Variants in PRKDC observed in about 807,000 individuals in gnomAD.
The protein encoded by PRKDC is DNA-dependent protein kinase catalytic subunit.
In PRKDC, 82 loss-of-function variants were observed where a neutral mutation model predicts 486.9. That is an observed-to-expected ratio of 0.17 (90% confidence interval 0.14 to 0.20). The LOEUF is 0.20. Ranked by LOEUF, PRKDC falls within the 10% of genes least tolerant of loss-of-function variation. The pLI is 1.00. For synonymous variants in PRKDC, 1,895 were observed against 1,837.0 expected (o/e 1.03, Z -0.81); for missense variants, 4,504 against 5,038.2 (o/e 0.89, Z 3.21).
At position 47,785,099 on chromosome 8, in the gene PRKDC, G is replaced by A. The variant is rs749113460; in HGVS notation, c.11107+14C>T. ...CTGACAGTACAGTTTTGTCACCCCT[G>A]GAGGTTAACTCACCGGGAATCTCCA... is the stretch of plus-strand genomic sequence containing the variant. On this transcript the variant is annotated intron_variant, in intron 77 of 85. Transcript: ENST00000314191. 1 of 1,613,218 alleles carries A rather than the reference G, an allele frequency of 6.2e-7. No individual in the cohort carries two copies. The highest frequency in any genetic ancestry group is 2.2e-5 in the East Asian group (1 of 44,866).
At chr8:47,800,152 T>C (rs1200467613) in intron 71 of PRKDC, among the ~76,000 whole-genome samples, 2 of 152,112 alleles carry the variant, frequency 1.3e-5, no homozygotes, top group South Asian at 4.1e-4. Context: ...TAAAGACACA[T>C]GCACACGTAT....
chr8:47,828,513 A>AC (rs2087789836), intron 61 of PRKDC, among the ~76,000 whole-genome samples, 166 bp from the exon 62 acceptor site: 1 of 152,172 alleles, frequency 6.6e-6, no homozygotes, highest in Admixed American at 6.5e-5. Context: ...GAGCATTTGG[A>AC]ATTTAACCAA....
At chr8:47,887,369 CT>C (rs898786629) in intron 35 of PRKDC, among the ~76,000 whole-genome samples, 177 bp downstream of exon 35, 95 of 146,986 alleles carry the variant, frequency 6.5e-4, no homozygotes, top group South Asian at 2.1e-3. Context: ...CTATTCCGTT[CT>C]TTTTTTTTTT....
chr8:47,876,157 T>G (rs913699725), intron 40 of PRKDC, among the ~76,000 whole-genome samples: 2 of 152,164 alleles, frequency 1.3e-5, no homozygotes, highest in Non-Finnish European at 2.9e-5. Context: ...GGAATAAAAA[T>G]GTTATATGGT....
rs1386926738 is a variant in PRKDC at position 47,789,172 on chromosome 8, A to T, written c.10737T>A (p.Ser3579=). The T allele has an allele frequency of 6.2e-7, 1 of 1,613,208 alleles. No homozygotes were observed. Among genetic ancestry groups the T allele is most frequent in the Admixed American group, 1.7e-5 (1 of 59,968 alleles). ...QDFINALDQL[S]NPELLFKDWS... ...TTACCTTAAAGAGCAGTTCAGGATTAGAGAGCTGATCTAAGGCATTAATAA... is the reference window on the plus strand; with the variant it reads ...TTACCTTAAAGAGCAGTTCAGGATTTGAGAGCTGATCTAAGGCATTAATAA... Residue 3579 remains serine (S), a synonymous_variant, in exon 75 of 86, where the codon TCT becomes TCA. Coordinates refer to ENST00000314191, the MANE Select transcript of PRKDC (RefSeq NM_006904.7).
chr8:47,848,064 T>G (rs1273820882), intron 54 of PRKDC, among the ~76,000 whole-genome samples: 1 of 152,188 alleles, frequency 6.6e-6, no homozygotes, highest in East Asian at 1.9e-4. Context: ...TCAGCCACTG[T>G]GGAAAGCAGT....
chr8:47,930,797 T>C lies in PRKDC; in HGVS notation c.1777-10A>G. 6.4e-7 allele frequency: 1 copy of C among 1,551,320 alleles called. No individual in the cohort carries two copies. Among genetic ancestry groups the C allele is most frequent in the Non-Finnish European group, 8.7e-7 (1 of 1,150,878 alleles). Reference sequence around the variant, plus strand: ...GCGCCTCATCTCCATTCTTAAAGAGTAATTGTAGCAAAGAAACATTGTACC... The same window carrying C: ...GCGCCTCATCTCCATTCTTAAAGAGCAATTGTAGCAAAGAAACATTGTACC... On this transcript the variant is annotated splice_polypyrimidine_tract_variant and intron_variant, in intron 16 of 85. Transcript: ENST00000314191.
chr8:47,884,485 G>A (rs2089286611), intron 36 of PRKDC, among the ~76,000 whole-genome samples: 1 of 152,162 alleles, frequency 6.6e-6, no homozygotes, highest in Admixed American at 6.5e-5. Flanking sequence ...AGATTGTAGA[G>A]GTGTTTTAAA....
intron 46 of PRKDC, 147 bp downstream of exon 46, chr8:47,859,464 C>T: frequency 1.0e-6 from 1 of 966,396 alleles, no homozygotes; most frequent in Non-Finnish European, 1.5e-6. Context: ...GGAATTAGAT[C>T]TTGGAAAATT....
chr8:47,830,670 C>T lies in PRKDC; in HGVS notation c.8332G>A (p.Gly2778Arg), dbSNP rs1322654605. ...QVVLYRSYRH[G>R]DLPDIQIKHS... ...TTGATCTGAATGTCAGGAAGGTCTC[C>T]GTGCCGGTAGCTTCTGTACAGAACG... is the stretch of plus-strand genomic sequence containing the variant. Residue 2778 changes from glycine (G) to arginine (R), a missense_variant, in exon 61 of 86, where the codon GGA becomes AGA. This residue lies in a region of PRKDC where 1,592 missense variants were observed against 1,724.6 expected (regional missense o/e 0.92). Coordinates refer to ENST00000314191, the MANE Select transcript of PRKDC (RefSeq NM_006904.7). 1 of 1,613,936 alleles carries T rather than the reference C, an allele frequency of 6.2e-7. No homozygotes were observed. The highest frequency in any genetic ancestry group is 1.1e-5 in the South Asian group (1 of 91,070).
Position 47,914,017 on chromosome 8 carries a change from C to G in PRKDC, c.2665G>C (p.Glu889Gln). 1 of 1,599,360 alleles carries G rather than the reference C, an allele frequency of 6.3e-7. No homozygotes were observed. Among genetic ancestry groups the G allele is most frequent in the Non-Finnish European group, 8.5e-7 (1 of 1,172,774 alleles). Residue 889 changes from glutamate (E) to glutamine (Q), a missense_variant, in exon 24 of 86, where the codon GAG becomes CAG. Glu to Gln is a conservative substitution (Grantham distance 29). Around this residue, in one of 6 missense-constraint regions of PRKDC, gnomAD observed 1,969 missense variants for 2,068.9 expected, o/e 0.95. Coordinates refer to ENST00000314191, the MANE Select transcript of PRKDC (RefSeq NM_006904.7). The stretch of plus-strand genomic sequence containing the variant: ...GGCACTGCAAAGCTCAGCCGCTTCT[C>G]TCTGTCCCAGGCCACATAGCTCTTC... Reference protein sequence around the residue: ...MMKSYVAWDREKRLSFAVPFR... With the variant: ...MMKSYVAWDRQKRLSFAVPFR...
intron 25 of PRKDC, among the ~76,000 whole-genome samples, chr8:47,912,061 G>A (rs6984595): frequency 0.029 from 4,356 of 152,124 alleles, 216 homozygotes; most frequent in African/African-American, 0.098. Flanking sequence ...GTGAGCCACC[G>A]CGCGCGGCCC....
chr8:47,810,987 C>T (rs1475447599), intron 68 of PRKDC, among the ~76,000 whole-genome samples: 2 of 152,048 alleles, frequency 1.3e-5, no homozygotes, highest in East Asian at 1.9e-4. Context: ...CACAAAGAGA[C>T]CAAGAGAAAT....
At chr8:47,805,468 C>T (rs889416353) in intron 69 of PRKDC, among the ~76,000 whole-genome samples, 1 of 152,220 alleles carries the variant, frequency 6.6e-6, no homozygotes, top group Admixed American at 6.5e-5. Flanking sequence ...ATGCCCATTT[C>T]TTAATTGGGT....
intron 21 of PRKDC, among the ~76,000 whole-genome samples, chr8:47,924,531 G>T (rs1047576438): frequency 6.6e-6 from 1 of 152,058 alleles, no homozygotes; most frequent in Non-Finnish European, 1.5e-5. Flanking sequence ...CTGCTCTCCC[G>T]CCTGGGAAAC....
At chr8:47,844,276 A>G (rs1371710112) in intron 54 of PRKDC, among the ~76,000 whole-genome samples, 2 of 152,254 alleles carry the variant, frequency 1.3e-5, no homozygotes, top group Non-Finnish European at 2.9e-5. Flanking sequence ...ACTTTAAACC[A>G]ACAATAGTTA....
At chr8:47,905,202 T>G (rs555366162) in intron 25 of PRKDC, among the ~76,000 whole-genome samples, 2 of 151,692 alleles carry the variant, frequency 1.3e-5, no homozygotes, top group South Asian at 4.2e-4. Flanking sequence ...ACTTAAAATT[T>G]TTTTTTTGTA....
intron 39 of PRKDC, 81 bp from the exon 40 acceptor site, chr8:47,877,932 TAA>T (rs1375822165): frequency 7.5e-6 from 8 of 1,060,704 alleles, no homozygotes; most frequent in Non-Finnish European, 9.8e-6. Context: ...ACTAAAAATA[TAA>T]AAAGTTTCTT....
chr8:47,937,868 T>C (rs2090379595), intron 11 of PRKDC, among the ~76,000 whole-genome samples: 1 of 152,188 alleles, frequency 6.6e-6, no homozygotes, highest in Admixed American at 6.5e-5. Context: ...GTAAGTCCAG[T>C]GCTTTGGGGA....
Sources: gnomAD v4.1 joint callset for allele counts (sites outside exome capture counted in the v4.1 genomes callset) on GRCh38, gnomAD v4.1.1 for gene constraint, gnomAD v4.1.1 regional missense constraint, MANE v1.5 for transcripts, NCBI Gene and HGNC (gene_info 2026-07-23, HGNC 2026-07-21) for gene names.